Variants in TRIP12 observed in about 807,000 individuals in gnomAD.
TRIP12 encodes the protein thyroid hormone receptor interactor 12, also known as E3 ubiquitin-protein ligase TRIP12.
A neutral mutation model predicts 244.2 loss-of-function variants in TRIP12; 25 were observed. The observed-to-expected ratio is 0.10, with a 90% CI of 0.07 to 0.14. The LOEUF is 0.14. TRIP12 is among the 10% of genes least tolerant of loss of function. TRIP12 has a pLI of 1.00. For synonymous variants in TRIP12, 905 were observed against 873.1 expected (o/e 1.04, Z -0.64); for missense variants, 1,677 against 2,486.4 (o/e 0.67, Z 6.92).
intron 20 of TRIP12, among the ~76,000 whole-genome samples, 185 bp from the exon 21 acceptor site, chr2:229,802,644 T>C (rs1436531103): frequency 2.0e-5 from 3 of 152,114 alleles, no homozygotes; most frequent in South Asian, 4.1e-4. Flanking sequence ...GAAAAAAATA[T>C]AAAAACTAAA....
In TRIP12 at chr2:229,813,898, G is replaced by A. The variant is rs779010108; in HGVS notation, c.1958C>T (p.Pro653Leu). The A allele has an allele frequency of 1.3e-6, 2 of 1,572,670 alleles. No individual in the cohort carries two copies. The highest frequency in any genetic ancestry group is 1.3e-5 in the African/African-American group (1 of 74,612). The change falls in exon 13 of 42, where the codon CCA (proline) becomes CTA (leucine). Residue 653 changes from proline to leucine, a missense_variant. By Grantham distance (98) the Pro-to-Leu change is moderately conservative. Around this residue, in one of 11 missense-constraint regions of TRIP12, gnomAD observed 572 missense variants for 867.8 expected, o/e 0.66. Transcript: ENST00000675903. ...DEFHFVADSLPLLTQRLTHQD... is the reference protein window; with the variant it reads ...DEFHFVADSLLLLTQRLTHQD... ...ATGTGTTAGCCTTTGGGTTAGCAAT[G>A]GGAGTGAATCTGCCACAAAATGAAA...
At position 229,858,933 on chromosome 2, in the gene TRIP12, C is replaced by T. The variant is rs750845263; in HGVS notation, c.866G>A (p.Arg289Lys). The T allele has an allele frequency of 1.1e-5, 18 of 1,614,092 alleles. No individual in the cohort carries two copies. The highest frequency in any genetic ancestry group is 8.3e-5 in the Admixed American group (5 of 60,000). ...ASSPSPRRSS[R>K]EKEQSKTGGS... ...ACCAGTTTTACTCTGTTCCTTTTCC[C>T]TGCTACTTCTTCTGGGGCTGGGACT... Residue 289 changes from arginine to lysine, a missense_variant, in exon 4 of 42, where the codon AGG becomes AAG. This residue lies in a region of TRIP12 where 387 missense variants were observed against 392.6 expected (regional missense o/e 0.99). Coordinates refer to ENST00000675903, the MANE Select transcript of TRIP12 (RefSeq NM_001348323.3).
At chr2:229,889,677 G>C (rs529908083) in intron 1 of TRIP12, among the ~76,000 whole-genome samples, 19 of 152,218 alleles carry the variant, frequency 1.2e-4, no homozygotes, top group African/African-American at 4.3e-4. Flanking sequence ...AATTTTTTAA[G>C]ACTCCAACCT....
chr2:229,769,644 TA>T (rs1235826171), intron 39 of TRIP12, among the ~76,000 whole-genome samples: 2 of 152,112 alleles, frequency 1.3e-5, no homozygotes, highest in African/African-American at 4.8e-5. Context: ...TTAGGTGCTT[TA>T]AATGGATAAT....
chr2:229,773,275 TA>T (rs2035109932), intron 38 of TRIP12, among the ~76,000 whole-genome samples: 2 of 151,860 alleles, frequency 1.3e-5, no homozygotes, highest in Non-Finnish European at 2.9e-5. Flanking sequence ...GGGGTTTCAC[TA>T]TGTTGGCCAG....
intron 1 of TRIP12, among the ~76,000 whole-genome samples, chr2:229,885,667 C>A (rs554106673): frequency 7.9e-5 from 12 of 152,346 alleles, no homozygotes; most frequent in South Asian, 2.1e-4. Flanking sequence ...CTAAAAACAG[C>A]AAGGACTTCA....
chr2:229,807,359 A>T, intron 17 of TRIP12: 1 of 265,454 alleles, frequency 3.8e-6, no homozygotes, highest in African/African-American at 2.2e-5. Flanking sequence ...TTTGTATGTA[A>T]ATCTTTGCTC....
rs1482801026 is a variant in TRIP12 at position 229,816,149 on chromosome 2, A to G, written c.1600-841T>C. 5.3e-5 allele frequency among the ~76,000 whole-genome samples: 8 copies of G among 152,272 alleles called. No homozygotes were observed. The East Asian group carries it at 1.5e-3, about 29-fold the overall frequency. ...TAAGTACCCTTCAATTAAATTTATAATGACAACAACAAACATCAGATATTC... is the reference window on the plus strand; with the variant it reads ...TAAGTACCCTTCAATTAAATTTATAGTGACAACAACAAACATCAGATATTC... On this transcript the variant is annotated intron_variant, in intron 9 of 41. Transcript: ENST00000675903.
At chr2:229,825,355 G>A (rs920508992) in intron 8 of TRIP12, among the ~76,000 whole-genome samples, 15 of 152,296 alleles carry the variant, frequency 9.8e-5, no homozygotes, top group Middle Eastern at 3.4e-3. Flanking sequence ...CCAGACTGTG[G>A]TCTCCAAATA....
chr2:229,905,781 G>A (rs1025331671), intron 1 of TRIP12, among the ~76,000 whole-genome samples: 24 of 152,082 alleles, frequency 1.6e-4, no homozygotes, highest in African/African-American at 4.3e-4. Context: ...ACACCAAGAC[G>A]CCCACCAATC....
intron 2 of TRIP12, among the ~76,000 whole-genome samples, chr2:229,873,751 A>C (rs886690803): frequency 2.6e-5 from 4 of 152,164 alleles, no homozygotes; most frequent in Non-Finnish European, 5.9e-5. Context: ...GTAAAGAAAA[A>C]TAATAAATAG....
rs529379183 is a variant in TRIP12 at position 229,819,405 on chromosome 2, C to T, written c.1451-893G>A. Among the ~76,000 whole-genome samples, 282 of 152,182 alleles carry T rather than the reference C, an allele frequency of 1.9e-3. 1 individual carries two copies. The highest frequency in any genetic ancestry group is 6.1e-3 in the African/African-American group (255 of 41,514). ...ACTAAAAATACAAAAATTAGCCGAG[C>T]GCAGTGGTGTGCACCTGTAGTCCCA... On this transcript the variant is annotated intron_variant, in intron 8 of 41. Coordinates refer to ENST00000675903, the MANE Select transcript of TRIP12 (RefSeq NM_001348323.3).
At chr2:229,801,153 G>A (rs995713996) in intron 21 of TRIP12, among the ~76,000 whole-genome samples, 8 of 152,100 alleles carry the variant, frequency 5.3e-5, no homozygotes, top group African/African-American at 1.7e-4. Flanking sequence ...GCAGACAAAA[G>A]CAACTGCAGA....
chr2:229,819,973 C>T (rs940084984), intron 8 of TRIP12, among the ~76,000 whole-genome samples: 3 of 152,094 alleles, frequency 2.0e-5, no homozygotes, highest in African/African-American at 7.2e-5. Flanking sequence ...ATTAAAAATC[C>T]ATCCAAAAAT....
At chr2:229,860,784 G>A (rs546649858) in intron 2 of TRIP12, among the ~76,000 whole-genome samples, 4 of 152,028 alleles carry the variant, frequency 2.6e-5, no homozygotes, top group Non-Finnish European at 4.4e-5. Context: ...ATTGCACAGC[G>A]TTGTTAAGGT....
At chr2:229,897,477 G>A (rs199997421) in intron 1 of TRIP12, among the ~76,000 whole-genome samples, 1 of 152,014 alleles carries the variant, frequency 6.6e-6, no homozygotes, top group Non-Finnish European at 1.5e-5. Context: ...GTGAAACCTC[G>A]TCTCTACTAA....
chr2:229,881,965 G>A (rs1432396053), intron 1 of TRIP12, among the ~76,000 whole-genome samples: 1 of 152,194 alleles, frequency 6.6e-6, no homozygotes, highest in Admixed American at 6.5e-5. Context: ...AATTAAACAG[G>A]CTGCTCTAGC....
chr2:229,793,793 G>A (rs2042132920), intron 26 of TRIP12, among the ~76,000 whole-genome samples: 1 of 151,840 alleles, frequency 6.6e-6, no homozygotes, highest in South Asian at 2.1e-4. Flanking sequence ...ATGCAGCCCA[G>A]ATGGCTTTGT....
intron 41 of TRIP12, among the ~76,000 whole-genome samples, chr2:229,768,214 A>G (rs2032617928): frequency 6.6e-6 from 1 of 152,204 alleles, no homozygotes; most frequent in African/African-American, 2.4e-5. Flanking sequence ...GTGAGCCAAG[A>G]TCACGCCACT....
Sources: gnomAD v4.1 joint callset for allele counts (sites outside exome capture counted in the v4.1 genomes callset) on GRCh38, gnomAD v4.1.1 for gene constraint, gnomAD v4.1.1 regional missense constraint, MANE v1.5 for transcripts, NCBI Gene and HGNC (gene_info 2026-07-23, HGNC 2026-07-21) for gene names.